Variants in KIAA1217 observed in about 807,000 individuals in gnomAD.
The protein encoded by KIAA1217 is KIAA1217.
In KIAA1217, 88 loss-of-function variants were observed where a neutral mutation model predicts 163.9. The ratio of observed to expected loss-of-function variants is 0.54; its 90% CI spans 0.45 to 0.64. KIAA1217 has a LOEUF of 0.64. Among genes scored for constraint, KIAA1217 ranks in the 30% least tolerant of loss-of-function variants. The probability of loss-of-function intolerance (pLI) is 0.00; values close to 1 mark genes in which losing one functional copy is unlikely to be tolerated. For missense variants in KIAA1217, 2,372 were observed against 2,475.0 expected (o/e 0.96, Z 0.88); for synonymous variants, 903 against 923.1 (o/e 0.98, Z 0.39).
At chr10:24,185,091 T>A (rs1012947076) in intron 2 of KIAA1217, among the ~76,000 whole-genome samples, 2 of 152,196 alleles carry the variant, frequency 1.3e-5, no homozygotes, top group African/African-American at 4.8e-5. Context: ...AGACTGCTCT[T>A]ACTAGTCTCT....
At chr10:24,090,360 T>TTTTTTTA (rs2061890627) in intron 2 of KIAA1217, among the ~76,000 whole-genome samples, 1 of 129,408 alleles carries the variant, frequency 7.7e-6, no homozygotes, top group African/African-American at 3.5e-5. Context: ...TTTTTTTTTT[T>TTTTTTTA]GAAGAGACAG....
At chr10:24,258,645 T>C (rs2075410411) in intron 2 of KIAA1217, among the ~76,000 whole-genome samples, 1 of 150,584 alleles carries the variant, frequency 6.6e-6, no homozygotes, top group South Asian at 2.1e-4. Context: ...CAGGCTGGAG[T>C]GCAGTGGCGC....
chr10:23,934,598 TATATATATGTATATATATA>T (rs1843429304), intron 1 of KIAA1217, among the ~76,000 whole-genome samples: 1 of 85,534 alleles, frequency 1.2e-5, no homozygotes, highest in Admixed American at 1.1e-4. Context: ...TATGTATATA[TATATATATGTATATATATA>T]TATATATATT....
intron 1 of KIAA1217, among the ~76,000 whole-genome samples, chr10:23,873,887 A>T (rs1210180254): frequency 6.6e-6 from 1 of 152,036 alleles, no homozygotes; most frequent in African/African-American, 2.4e-5. Context: ...ACAAAGCCCA[A>T]TTCAGATGGA....
chr10:24,112,654 G>A (rs1034805123), intron 2 of KIAA1217, among the ~76,000 whole-genome samples: 1 of 151,682 alleles, frequency 6.6e-6, no homozygotes, highest in East Asian at 1.9e-4. Context: ...GCACAATCTC[G>A]GCTCACTGCA....
intron 2 of KIAA1217, among the ~76,000 whole-genome samples, chr10:24,257,233 C>G (rs571960227): frequency 1.3e-5 from 2 of 152,114 alleles, no homozygotes; most frequent in South Asian, 4.2e-4. Context: ...TTTCTAATGG[C>G]TTTAAAAAAC....
Position 24,378,060 on chromosome 10 carries a change from C to T in KIAA1217, c.355-2809C>T, listed in dbSNP as rs577185588. Among the ~76,000 whole-genome samples the T allele has an allele frequency of 2.0e-4, 31 of 152,262 alleles. No homozygotes were observed. In the South Asian group the frequency reaches 6.2e-3, roughly 31 times the overall value. On this transcript the variant is annotated intron_variant, in intron 2 of 20. Coordinates refer to ENST00000376454, the MANE Select transcript of KIAA1217 (RefSeq NM_019590.5). Reference sequence around the variant, plus strand: ...GGTCTCACATCTCTGTTTTTTAATACAGATTCGCTTTATTTTTTTTCTCTG... The same window carrying T: ...GGTCTCACATCTCTGTTTTTTAATATAGATTCGCTTTATTTTTTTTCTCTG...
Position 23,722,690 on chromosome 10 carries a change from G to C in KIAA1217, c.-321+27456G>C, listed in dbSNP as rs1319528628. The stretch of plus-strand genomic sequence containing the variant: ...TTTCATTTTAATACCACAATTATTG[G>C]TGAGGAAACTCTTACCAATGAGGAA... On this transcript the variant is annotated intron_variant, in intron 1 of 18. Transcript: ENST00000376462. Among the ~76,000 whole-genome samples, 3 of 152,196 alleles carry C rather than the reference G, an allele frequency of 2.0e-5. No homozygotes were observed. In the East Asian group the frequency reaches 5.8e-4, roughly 29 times the overall value.
chr10:23,983,618 A>T (rs971992942), intron 1 of KIAA1217, among the ~76,000 whole-genome samples: 7 of 152,190 alleles, frequency 4.6e-5, no homozygotes, highest in Non-Finnish European at 8.8e-5. Context: ...CCCACAACCC[A>T]GTCATCTCCA....
chr10:24,288,057 G>T (rs369506469), intron 2 of KIAA1217, among the ~76,000 whole-genome samples: 85 of 152,236 alleles, frequency 5.6e-4, no homozygotes, highest in African/African-American at 1.6e-3. Flanking sequence ...GCCAGCCTTT[G>T]AAATTATTTT....
chr10:24,534,881 C>CAAA (rs71506838), intron 16 of KIAA1217, among the ~76,000 whole-genome samples: 10 of 71,820 alleles, frequency 1.4e-4, no homozygotes, highest in Non-Finnish European at 1.9e-4. Flanking sequence ...AACTCTGTCT[C>CAAA]AAAAAAAAAA....
chr10:24,318,619 G>A (rs1379413793), intron 2 of KIAA1217, among the ~76,000 whole-genome samples: 1 of 152,050 alleles, frequency 6.6e-6, no homozygotes, highest in African/African-American at 2.4e-5. Context: ...CTTATCTGGA[G>A]AACTCCGCCT....
chr10:24,518,475 A>T (rs138721144), intron 10 of KIAA1217, among the ~76,000 whole-genome samples: 5 of 152,346 alleles, frequency 3.3e-5, no homozygotes, highest in South Asian at 2.1e-4. Flanking sequence ...AGAGATCAAA[A>T]CAGAATTCTA....
intron 1 of KIAA1217, among the ~76,000 whole-genome samples, chr10:23,964,401 G>T (rs1407786485): frequency 6.6e-6 from 1 of 151,664 alleles, no homozygotes; most frequent in African/African-American, 2.4e-5. Flanking sequence ...TATGTTGCGT[G>T]TTCACTCTGC....
intron 2 of KIAA1217, among the ~76,000 whole-genome samples, chr10:24,287,840 C>T (rs1435772286): frequency 2.0e-5 from 3 of 152,170 alleles, no homozygotes; most frequent in East Asian, 3.9e-4. Flanking sequence ...AACCATAACT[C>T]GATTCATCAA....
At chr10:24,459,452 A>G (rs1276949223) in intron 5 of KIAA1217, among the ~76,000 whole-genome samples, 2 of 152,182 alleles carry the variant, frequency 1.3e-5, no homozygotes, top group African/African-American at 4.8e-5. Context: ...TTTTCCTACT[A>G]GAATGTAAGT....
chr10:24,069,104 A>G (rs886298974), intron 2 of KIAA1217, among the ~76,000 whole-genome samples: 1 of 152,222 alleles, frequency 6.6e-6, no homozygotes, highest in East Asian at 1.9e-4. Flanking sequence ...GCATTGAGCC[A>G]GGGGGCAGAG....
intron 1 of KIAA1217, among the ~76,000 whole-genome samples, chr10:23,935,219 G>A (rs1349437831): frequency 3.3e-5 from 5 of 152,302 alleles, no homozygotes; most frequent in African/African-American, 7.2e-5. Context: ...TGGCCAGTCC[G>A]AAAGCTGAGA....
chr10:23,930,550 G>A (rs1325663794), intron 1 of KIAA1217, among the ~76,000 whole-genome samples: 1 of 152,162 alleles, frequency 6.6e-6, no homozygotes, highest in Non-Finnish European at 1.5e-5. Context: ...CAGTCAAGAT[G>A]CACACAGATA....
Sources: gnomAD v4.1 joint callset for allele counts (sites outside exome capture counted in the v4.1 genomes callset) on GRCh38, gnomAD v4.1.1 for gene constraint, MANE v1.5 for transcripts, NCBI Gene and HGNC (gene_info 2026-07-23, HGNC 2026-07-21) for gene names.